Variants in RAB5B observed in about 807,000 individuals in gnomAD.
RAB5B encodes ras-related protein Rab-5B.
RAB5B carries 11 observed loss-of-function variants against 28.6 expected under a neutral mutation model. The observed-to-expected ratio is 0.38, with a 90% confidence interval of 0.24 to 0.64. RAB5B has a LOEUF of 0.64. Ranked by LOEUF, RAB5B falls within the 30% of genes least tolerant of loss-of-function variation. The pLI is 0.53. For synonymous variants in RAB5B, 93 were observed against 97.9 expected, an observed-to-expected ratio of 0.95 and a Z score of 0.29; for missense variants, 169 against 265.6, an observed-to-expected ratio of 0.64 and a Z score of 2.53.
rs1890168194 is a variant in RAB5B, at chr12:55,992,590, T to G, written c.*378T>G. On this transcript the variant is annotated 3_prime_UTR_variant, in exon 6 of 6. Transcript: ENST00000360299. ...TGACTCCTGTCCCTTCCCCTTCTGCTTTTGGTCAGTCCCTGTTCTTGAGCC... is the reference window on the plus strand; with the variant it reads ...TGACTCCTGTCCCTTCCCCTTCTGCGTTTGGTCAGTCCCTGTTCTTGAGCC... 2.2e-6 allele frequency: 1 copy of G among 460,680 alleles called. No individual in the cohort carries two copies. Among genetic ancestry groups the G allele is most frequent in the East Asian group, 6.7e-5 (1 of 14,906 alleles). The allele number at this position is 460,680 out of a possible 1,614,324, so 28.5% of individuals were successfully genotyped here.
At chr12:55,974,427 G>A (rs949882707) in intron 1 of RAB5B, among the ~76,000 whole-genome samples, 2 of 152,230 alleles carry the variant, frequency 1.3e-5, no homozygotes, top group Non-Finnish European at 2.9e-5. Context: ...GGCAGGGGCA[G>A]GCCTCATTAA....
At chr12:55,978,537 G>A (rs1565785507) in intron 1 of RAB5B, among the ~76,000 whole-genome samples, 1 of 152,028 alleles carries the variant, frequency 6.6e-6, no homozygotes, top group Non-Finnish European at 1.5e-5. Context: ...ATGGAATTGA[G>A]TAAGATCTGT....
Position 55,996,003 on chromosome 12 carries a change from A to ATACATATATATATATATATTT in RAB5B, c.*3792_*3793insACATATATATATATATATTTT. The stretch of plus-strand genomic sequence containing the variant: ...TATATACATATATATATATATATAT[A>ATACATATATATATATATATTT]TTTTTTTTTTAACAACTGGTAGGAT... On this transcript the variant is annotated 3_prime_UTR_variant, in exon 6 of 6. Transcript: ENST00000360299. 1.0e-5 allele frequency: 1 copy of ATACATATATATATATATATTT among 97,434 alleles called. No homozygotes were observed. The highest frequency in any genetic ancestry group is 2.3e-4 in the East Asian group (1 of 4,364). 6.0% of individuals were successfully genotyped at this position (97,434 alleles called of 1,614,324 possible). A position where few individuals can be genotyped will look rare whatever the true frequency, so the allele number is the denominator to read the frequency against.
In RAB5B at chr12:55,992,311, A is replaced by T. The variant is rs1193452713; in HGVS notation, c.*99A>T. The T allele has an allele frequency of 3.8e-6, 4 of 1,065,672 alleles. No individual in the cohort carries two copies. Among genetic ancestry groups the T allele is most frequent in the Non-Finnish European group, 5.6e-6 (4 of 713,898 alleles). 66.0% of individuals were successfully genotyped at this position (1,065,672 alleles called of 1,614,324 possible). On this transcript the variant is annotated 3_prime_UTR_variant, in exon 6 of 6. Transcript: ENST00000360299. ...CACACAACCCCTACGGTAACAGCAC[A>T]CTGAGCCCTGGCTCCCAAGGGCTGC...
intron 4 of RAB5B, 146 bp downstream of exon 4, chr12:55,990,950 T>A (rs1890097093): frequency 9.4e-7 from 1 of 1,065,512 alleles, no homozygotes; most frequent in Admixed American, 2.5e-5. Context: ...ACAGCAACAC[T>A]GTGACCCTAA....
rs11343216 is a variant in RAB5B at position 55,974,924 on chromosome 12, A to AT, written c.-93+796dup. Among the ~76,000 whole-genome samples the AT allele has an allele frequency of 1.6e-4, 24 of 149,340 alleles. No individual in the cohort carries two copies. The South Asian group carries it at 1.7e-3, about 11-fold the overall frequency. ...CAGGGTAGGGATGAAGATCAAAGTA[A>AT]TTTTTTTTTTTCCATGACTGTTGGC... On this transcript the variant is annotated intron_variant, in intron 1 of 5. Coordinates refer to ENST00000360299, the MANE Select transcript of RAB5B (RefSeq NM_002868.4).
intron 1 of RAB5B, among the ~76,000 whole-genome samples, chr12:55,981,657 C>T (rs1889811695): frequency 6.6e-6 from 1 of 151,998 alleles, no homozygotes. Flanking sequence ...TACTGTTATG[C>T]CTACTTTGCT....
intron 3 of RAB5B, 23 bp downstream of exon 3, chr12:55,990,121 C>G: frequency 6.2e-7 from 1 of 1,601,806 alleles, no homozygotes; most frequent in Non-Finnish European, 8.5e-7. Context: ...AGAAGACTGT[C>G]CTTGTTGGCT....
chr12:55,986,941 C>A lies in RAB5B; in HGVS notation c.-20C>A. On this transcript the variant is annotated 5_prime_UTR_variant, in exon 2 of 6. Coordinates refer to ENST00000360299, the MANE Select transcript of RAB5B (RefSeq NM_002868.4). ...CAGTATCCCCCTCCCTCCACCCTTTCCCATTCTGATAATCTGGCCATGACT... is the reference window on the plus strand; with the variant it reads ...CAGTATCCCCCTCCCTCCACCCTTTACCATTCTGATAATCTGGCCATGACT... 3 of 1,220,622 alleles carry A rather than the reference C, an allele frequency of 2.5e-6. No individual in the cohort carries two copies. In the South Asian group the frequency reaches 3.6e-5, roughly 14 times the overall value. 75.6% of individuals were successfully genotyped at this position (1,220,622 alleles called of 1,614,324 possible).
At position 55,992,167 on chromosome 12, in the gene RAB5B, C is replaced by T. The variant is rs748674322; in HGVS notation, c.603C>T (p.Leu201=). The change falls in exon 6 of 6, where the codon CTC becomes CTT. Residue 201 remains leucine (L), a synonymous_variant. Transcript: ENST00000360299. ...CAGGCCGAAGCCGGGGTGTGGATCTCCATGAACAGTCCCAGCAGAACAAGA... is the reference window on the plus strand; with the variant it reads ...CAGGCCGAAGCCGGGGTGTGGATCTTCATGAACAGTCCCAGCAGAACAAGA... ...GAAGRSRGVD[L]HEQSQQNKSQ... is the part of the protein sequence containing the mutation. 6.2e-7 allele frequency: 1 copy of T among 1,614,094 alleles called. No homozygotes were observed. The highest frequency in any genetic ancestry group is 2.2e-5 in the East Asian group (1 of 44,876).
intron 4 of RAB5B, 64 bp downstream of exon 4, chr12:55,990,868 A>T (rs1490085795): frequency 6.3e-7 from 1 of 1,582,262 alleles, no homozygotes; most frequent in Admixed American, 1.7e-5. Context: ...TTTTTTTCCA[A>T]ACCAGCCCTC....
intron 5 of RAB5B, 42 bp downstream of exon 5, chr12:55,991,495 T>A (rs1361084504): frequency 6.5e-7 from 1 of 1,529,970 alleles, no homozygotes; most frequent in Non-Finnish European, 9.1e-7. Context: ...TTCCCTCGTT[T>A]ATAGGCAAAA....
At chr12:55,987,245 C>CT in intron 2 of RAB5B, 122 bp downstream of exon 2, 1 of 972,510 alleles carries the variant, frequency 1.0e-6, no homozygotes, top group Non-Finnish European at 1.5e-6. Flanking sequence ...ACTGCAACCT[C>CT]TGTCTCCCAG....
intron 1 of RAB5B, chr12:55,980,644 C>G (rs1048859010): frequency 1.9e-6 from 3 of 1,597,434 alleles, no homozygotes; most frequent in Non-Finnish European, 2.6e-6. Context: ...CCTTCTGCAC[C>G]TTCCTCTTGG....
chr12:55,988,935 CTTTT>C (rs35994383), intron 2 of RAB5B, among the ~76,000 whole-genome samples: 3 of 94,660 alleles, frequency 3.2e-5, no homozygotes, highest in Admixed American at 1.3e-4. Context: ...CTAATTAATT[CTTTT>C]TTTTTTTTTT....
chr12:55,974,039 C>G (rs1400998802), upstream of RAB5B: 1 of 152,752 alleles, frequency 6.5e-6, no homozygotes. Context: ...AGCCCCGCCC[C>G]AGGGCGAGGA....
At chr12:55,979,397 A>G (rs1889737325) in intron 1 of RAB5B, 1 of 152,206 alleles carries the variant, frequency 6.6e-6, no homozygotes, top group Non-Finnish European at 1.5e-5. Context: ...CAAAATGAAG[A>G]GCTGAGCCAA....
chr12:55,988,960 G>GTTTTTTTTTTTTTTT (rs1890032447), intron 2 of RAB5B, among the ~76,000 whole-genome samples: 1 of 47,028 alleles, frequency 2.1e-5, no homozygotes. Context: ...TTTTTTTTTG[G>GTTTTTTTTTTTTTTT]ATACTGAGTC....
At position 55,996,003 on chromosome 12, in the gene RAB5B, A is replaced by ATATATATATATATATTTTTTTT; in HGVS notation, c.*3792_*3793insATATATATATATATTTTTTTTT. The ATATATATATATATATTTTTTTT allele has an allele frequency of 2.2e-4, 21 of 97,384 alleles. 1 individual carries two copies. Among genetic ancestry groups the ATATATATATATATATTTTTTTT allele is most frequent in the Non-Finnish European group, 4.2e-4 (21 of 50,464 alleles). The allele number at this position is 97,384 out of a possible 1,614,324, so 6.0% of individuals were successfully genotyped here. A position where few individuals can be genotyped will look rare whatever the true frequency, so the allele number is the denominator to read the frequency against. ...TATATACATATATATATATATATATATTTTTTTTTTAACAACTGGTAGGAT... is the reference window on the plus strand; with the variant it reads ...TATATACATATATATATATATATATATATATATATATATATTTTTTTTTTTTTTTTTTAACAACTGGTAGGAT... On this transcript the variant is annotated 3_prime_UTR_variant, in exon 6 of 6. Coordinates refer to ENST00000360299, the MANE Select transcript of RAB5B (RefSeq NM_002868.4).
Sources: gnomAD v4.1 joint callset for allele counts (sites outside exome capture counted in the v4.1 genomes callset) on GRCh38, gnomAD v4.1.1 for gene constraint, MANE v1.5 for transcripts, NCBI Gene and HGNC (gene_info 2026-07-23, HGNC 2026-07-21) for gene names.